The following KMT2E variants were observed in gnomAD, a reference collection of about 807,000 sequenced individuals.
KMT2E encodes lysine methyltransferase 2E (inactive).
A neutral mutation model predicts 184.6 loss-of-function variants in KMT2E; 30 were observed. That is an observed-to-expected ratio of 0.16 (90% CI 0.12 to 0.22). The LOEUF is 0.22. Among genes scored for constraint, KMT2E ranks in the 10% least tolerant of loss-of-function variants. The pLI is 1.00. For synonymous variants in KMT2E, 815 were observed against 776.5 expected, an observed-to-expected ratio of 1.05 and a Z score of -0.82; for missense variants, 2,023 against 2,237.4, an observed-to-expected ratio of 0.90 and a Z score of 1.93.
intron 3 of KMT2E, among the ~76,000 whole-genome samples, chr7:105,047,871 G>T (rs1211888726): frequency 6.6e-6 from 1 of 152,204 alleles, no homozygotes; most frequent in Admixed American, 6.5e-5. Context: ...AACTCTGGTT[G>T]AAATGGAAGT....
chr7:105,056,222 C>T (rs956869984), intron 3 of KMT2E, among the ~76,000 whole-genome samples: 3 of 152,092 alleles, frequency 2.0e-5, no homozygotes, highest in Admixed American at 1.3e-4. Context: ...AGAATCATTC[C>T]GGATGACTAC....
At chr7:105,064,765 TA>T (rs1292574244) in intron 5 of KMT2E, among the ~76,000 whole-genome samples, 1 of 93,378 alleles carries the variant, frequency 1.1e-5, no homozygotes, top group Non-Finnish European at 1.9e-5. Context: ...GGAGGTAAAT[TA>T]AAAAACTAAA....
At position 105,070,542 on chromosome 7, in the gene KMT2E, G is replaced by A. The variant is rs145851982; in HGVS notation, c.498-3077G>A. Reference sequence around the variant, plus strand: ...CCAGCTACTCAGGAGGCTGAGGCATGAGAATTGCTTGAACCTGGGAGGCAG... The same window carrying A: ...CCAGCTACTCAGGAGGCTGAGGCATAAGAATTGCTTGAACCTGGGAGGCAG... On this transcript the variant is annotated intron_variant, in intron 6 of 26. Coordinates refer to ENST00000311117, the MANE Select transcript of KMT2E (RefSeq NM_182931.3). Among the ~76,000 whole-genome samples, 453 of 147,324 alleles carry A rather than the reference G, an allele frequency of 3.1e-3. 2 individuals carry two copies. The highest frequency in any genetic ancestry group is 3.4e-3 in the Non-Finnish European group (232 of 67,458).
chr7:105,112,408 C>T lies in KMT2E; in HGVS notation c.4652C>T (p.Pro1551Leu). The change falls in exon 27 of 27, where the codon CCT becomes CTT. Residue 1551 changes from proline (P) to leucine (L), a missense_variant. Pro to Leu is a moderately conservative substitution (Grantham distance 98). Coordinates refer to ENST00000311117, the MANE Select transcript of KMT2E (RefSeq NM_182931.3). ...GCACCACCCCCTCCACCTCCTCCACCTCCTTCTTCGTCTTACTATCAAAAC... is the reference window on the plus strand; with the variant it reads ...GCACCACCCCCTCCACCTCCTCCACTTCCTTCTTCGTCTTACTATCAAAAC... ...STAPPPPPPP[P>L]PSSSYYQNQQ... is the part of the protein sequence containing the mutation. 3.1e-6 allele frequency: 5 copies of T among 1,613,408 alleles called. No homozygotes were observed. The South Asian group carries it at 5.5e-5, about 18-fold the overall frequency.
chr7:105,112,891 A>C lies in KMT2E; in HGVS notation c.5135A>C (p.Asn1712Thr). 6.2e-7 allele frequency: 1 copy of C among 1,610,942 alleles called. No homozygotes were observed. Residue 1712 changes from asparagine to threonine, a missense_variant, in exon 27 of 27, where the codon AAT (asparagine) becomes ACT (threonine). Around this residue, in one of 8 missense-constraint regions of KMT2E, gnomAD observed 1,108 missense variants for 1,050.9 expected, o/e 1.05. Coordinates refer to ENST00000311117, the MANE Select transcript of KMT2E (RefSeq NM_182931.3). Reference protein sequence around the residue: ...GLQAQHQHVVNSAPPPPPPPP... With the variant: ...GLQAQHQHVVTSAPPPPPPPP... Reference sequence around the variant, plus strand: ...CAAGCACAACACCAGCATGTTGTAAATTCAGCACCCCCACCACCCCCTCCG... The same window carrying C: ...CAAGCACAACACCAGCATGTTGTAACTTCAGCACCCCCACCACCCCCTCCG...
rs1795742055 is a variant in KMT2E at position 105,038,218 on chromosome 7, T to C, written c.-115+19T>C. 6.6e-6 allele frequency: 1 copy of C among 152,344 alleles called. No individual in the cohort carries two copies. The highest frequency in any genetic ancestry group is 2.1e-4 in the South Asian group (1 of 4,834). 9.4% of individuals were successfully genotyped at this position (152,344 alleles called of 1,614,324 possible). On this transcript the variant is annotated intron_variant, in intron 2 of 26. Transcript: ENST00000311117. ...TCTCATGGTATTTCCTTTTCTATTATTTCTTTAATGGCTGCCATTTATTCT... is the reference window on the plus strand; with the variant it reads ...TCTCATGGTATTTCCTTTTCTATTACTTCTTTAATGGCTGCCATTTATTCT...
intron 16 of KMT2E, 45 bp from the exon 17 acceptor site, chr7:105,101,841 A>T (rs764864554): frequency 7.1e-7 from 1 of 1,402,602 alleles, no homozygotes; most frequent in African/African-American, 1.5e-5. Flanking sequence ...TAAACTTTAT[A>T]TATATGTAGT....
At chr7:105,039,871 T>A (rs1050945796) in intron 2 of KMT2E, among the ~76,000 whole-genome samples, 1 of 152,206 alleles carries the variant, frequency 6.6e-6, no homozygotes, top group African/African-American at 2.4e-5. Flanking sequence ...TGCACCTGTA[T>A]AATTTTTGAA....
intron 13 of KMT2E, among the ~76,000 whole-genome samples, chr7:105,085,776 C>G (rs1797938964): frequency 6.6e-6 from 1 of 151,892 alleles, no homozygotes; most frequent in African/African-American, 2.4e-5. Flanking sequence ...CTCCGCTTCC[C>G]AGGTTCATGC....
intron 1 of KMT2E, among the ~76,000 whole-genome samples, chr7:105,024,612 ACTGGCTCCAG>A (rs1666624454): frequency 6.6e-6 from 1 of 152,214 alleles, no homozygotes. Context: ...GCATTTTAGT[ACTGGCTCCAG>A]CTCATTTTTA....
At chr7:105,049,305 A>G (rs543715834) in intron 3 of KMT2E, among the ~76,000 whole-genome samples, 83 of 151,990 alleles carry the variant, frequency 5.5e-4, no homozygotes, top group Non-Finnish European at 1.0e-3. Flanking sequence ...TAGTTAGCCA[A>G]GTGTGGTTGC....
intron 1 of KMT2E, among the ~76,000 whole-genome samples, chr7:105,032,586 C>CA (rs1408179654): frequency 1.3e-5 from 2 of 152,202 alleles, no homozygotes; most frequent in Non-Finnish European, 2.9e-5. Flanking sequence ...ACTGTCACCT[C>CA]AGACTCCTGG....
chr7:105,042,210 C>T (rs760715148), intron 3 of KMT2E, among the ~76,000 whole-genome samples: 25 of 152,232 alleles, frequency 1.6e-4, no homozygotes, highest in African/African-American at 2.6e-4. Flanking sequence ...AGGCTGGCCT[C>T]GAACTCCTGG....
chr7:105,078,432 A>C (rs955792720), intron 11 of KMT2E, among the ~76,000 whole-genome samples: 2 of 152,180 alleles, frequency 1.3e-5, no homozygotes, highest in African/African-American at 2.4e-5. Flanking sequence ...GAAGTTTCTT[A>C]GACTCTGTGT....
intron 17 of KMT2E, chr7:105,102,728 T>C (rs1418080417): frequency 6.5e-6 from 1 of 153,732 alleles, no homozygotes; most frequent in Admixed American, 6.5e-5. Context: ...ATGAAGCTGC[T>C]CTTTGTCTCC....
At chr7:105,039,122 G>A (rs559564481) in intron 2 of KMT2E, 1 of 152,294 alleles carries the variant, frequency 6.6e-6, no homozygotes, top group African/African-American at 2.4e-5. Flanking sequence ...TTCATCTCAA[G>A]TTCTCTAATG....
intron 3 of KMT2E, among the ~76,000 whole-genome samples, chr7:105,046,065 T>G (rs2129565738): frequency 6.6e-6 from 1 of 152,304 alleles, no homozygotes; most frequent in Non-Finnish European, 1.5e-5. Flanking sequence ...CCTAATTCTC[T>G]CGTGGGCTCT....
chr7:105,015,180 C>G (rs924844264), intron 1 of KMT2E, among the ~76,000 whole-genome samples: 2 of 152,114 alleles, frequency 1.3e-5, no homozygotes, highest in South Asian at 2.1e-4. Flanking sequence ...GCATTACCGC[C>G]GTCCTTTACT....
intron 13 of KMT2E, among the ~76,000 whole-genome samples, chr7:105,085,097 C>T (rs775046367): frequency 2.0e-5 from 3 of 150,524 alleles, no homozygotes; most frequent in Admixed American, 6.6e-5. Context: ...CAAATTGTTG[C>T]AATTGTTGCA....
Sources: allele counts gnomAD v4.1 joint callset (sites outside exome capture counted in the v4.1 genomes callset), GRCh38; gene constraint gnomAD v4.1.1; regional missense constraint gnomAD v4.1.1; transcripts MANE v1.5; gene names NCBI Gene and HGNC (gene_info 2026-07-23, HGNC 2026-07-21).